MYO16: variants seen among roughly 807,000 people sequenced by gnomAD.
MYO16 encodes the protein unconventional myosin-XVI.
In MYO16, 94 loss-of-function variants were observed where a neutral mutation model predicts 205.3. The observed-to-expected ratio is 0.46, with a 90% CI of 0.39 to 0.54. The LOEUF (loss-of-function observed/expected upper bound fraction) is 0.54. MYO16 is among the 20% of genes least tolerant of loss of function. The pLI, the probability that MYO16 is intolerant of heterozygous loss-of-function variation, is 0.00. For missense variants in MYO16, 2,315 were observed against 2,387.5 expected (o/e 0.97, Z 0.63); for synonymous variants, 988 against 954.0 (o/e 1.04, Z -0.66).
chr13:108,519,458 A>T, the MYO16 span, among the ~76,000 whole-genome samples: 1 of 151,736 alleles, frequency 6.6e-6, no homozygotes, highest in Non-Finnish European at 1.5e-5. Flanking sequence ...TCTGCCTTCT[A>T]ATCTGCGGAT....
intron 33 of MYO16, chr13:109,167,123 A>C (rs1878702844): frequency 6.6e-6 from 1 of 152,376 alleles, no homozygotes; most frequent in South Asian, 2.1e-4. Flanking sequence ...AATCCAAGAG[A>C]GAGCACCCCA....
At chr13:108,861,561 T>G (rs1050741565) in intron 11 of MYO16, among the ~76,000 whole-genome samples, 1 of 152,182 alleles carries the variant, frequency 6.6e-6, no homozygotes, top group Admixed American at 6.5e-5. Flanking sequence ...TCATAAAATA[T>G]GTTCAGCTTT....
At chr13:108,999,827 A>T (rs1326860670) in intron 21 of MYO16, among the ~76,000 whole-genome samples, 1 of 152,178 alleles carries the variant, frequency 6.6e-6, no homozygotes, top group East Asian at 1.9e-4. Flanking sequence ...AGCTAAACAT[A>T]AAATTTTATT....
chr13:108,855,290 T>TTTA, intron 10 of MYO16, 153 bp from the exon 11 acceptor site: 1 of 393,834 alleles, frequency 2.5e-6, no homozygotes, highest in Non-Finnish European at 4.5e-6. Flanking sequence ...TTTTTTTTTT[T>TTTA]CTTTTTCATT....
chr13:109,168,689 C>T (rs926071127), intron 33 of MYO16, among the ~76,000 whole-genome samples: 4 of 152,156 alleles, frequency 2.6e-5, no homozygotes, highest in South Asian at 2.1e-4. Context: ...CGCGCCACTG[C>T]ACTCCAGCCT....
chr13:108,952,234 A>G (rs1473277769), intron 16 of MYO16, among the ~76,000 whole-genome samples: 2 of 152,216 alleles, frequency 1.3e-5, no homozygotes, highest in East Asian at 3.8e-4. Flanking sequence ...CAGTGTTTTT[A>G]TCCTTTTTCT....
At chr13:109,198,562 TA>T (rs1217554850) in intron 34 of MYO16, among the ~76,000 whole-genome samples, 1 of 152,226 alleles carries the variant, frequency 6.6e-6, no homozygotes, top group East Asian at 1.9e-4. Flanking sequence ...TATATTATGT[TA>T]TATTTATAAA....
chr13:108,922,641 A>T (rs1339426698), intron 16 of MYO16, among the ~76,000 whole-genome samples: 1 of 152,220 alleles, frequency 6.6e-6, no homozygotes, highest in African/African-American at 2.4e-5. Context: ...GGTGGAGCCT[A>T]TCAGGTTCAA....
At chr13:108,532,634 A>G in the MYO16 span, among the ~76,000 whole-genome samples, 1 of 151,720 alleles carries the variant, frequency 6.6e-6, no homozygotes, top group Non-Finnish European at 1.5e-5. Flanking sequence ...TCTCTACACA[A>G]TTAAAAATTA....
rs764000709 is a variant in MYO16, at chr13:108,709,773, C to T, written c.293-2888C>T. 5.2e-5 allele frequency among the ~76,000 whole-genome samples: 7 copies of T among 134,820 alleles called. 1 individual carries two copies. The highest frequency in any genetic ancestry group is 1.5e-4 in the Admixed American group (2 of 13,212). 88.4% of individuals were successfully genotyped at this position (134,820 alleles called of 152,430 possible). A position where few individuals can be genotyped will look rare whatever the true frequency, so the allele number is the denominator to read the frequency against. On this transcript the variant is annotated intron_variant, in intron 2 of 34. Coordinates refer to ENST00000457511, the MANE Select transcript of MYO16 (RefSeq NM_001198950.3). The stretch of plus-strand genomic sequence containing the variant: ...TAGTTCACACTACTATCTTTATATG[C>T]GAAGAATAACCTATTTCTCTATTTG...
intron 4 of MYO16, among the ~76,000 whole-genome samples, chr13:108,732,189 T>C (rs1403950787): frequency 6.6e-6 from 1 of 152,186 alleles, no homozygotes; most frequent in African/African-American, 2.4e-5. Flanking sequence ...TTCCAGAGCT[T>C]GATGATGGGC....
intron 32 of MYO16, among the ~76,000 whole-genome samples, chr13:109,143,821 G>T (rs751114390): frequency 6.6e-5 from 10 of 152,114 alleles, no homozygotes; most frequent in Non-Finnish European, 1.2e-4. Context: ...GGGCTTTTCT[G>T]AAATCCAATC....
intron 4 of MYO16, among the ~76,000 whole-genome samples, chr13:108,784,374 T>C (rs1009123210): frequency 6.6e-6 from 1 of 152,174 alleles, no homozygotes; most frequent in Non-Finnish European, 1.5e-5. Context: ...TCAGATAAAG[T>C]AATATCTTTA....
At chr13:109,004,783 T>G (rs1007913718) in intron 21 of MYO16, among the ~76,000 whole-genome samples, 2 of 152,208 alleles carry the variant, frequency 1.3e-5, no homozygotes, top group African/African-American at 4.8e-5. Context: ...ATTTTTCATA[T>G]GATATTTAGA....
the MYO16 span, among the ~76,000 whole-genome samples, chr13:108,571,898 T>C: frequency 1.3e-5 from 2 of 151,742 alleles, no homozygotes; most frequent in Non-Finnish European, 2.9e-5. Flanking sequence ...CACATCAAGT[T>C]TCGTTGTTGT....
At chr13:109,010,833 A>G (rs748518919) in intron 22 of MYO16, among the ~76,000 whole-genome samples, 29 of 151,956 alleles carry the variant, frequency 1.9e-4, no homozygotes, top group Non-Finnish European at 3.2e-4. Context: ...ATAGCTTGCT[A>G]TTAGTTGAAA....
chr13:108,900,136 T>A (rs750583397), intron 15 of MYO16, among the ~76,000 whole-genome samples: 26 of 152,190 alleles, frequency 1.7e-4, no homozygotes, highest in Non-Finnish European at 3.4e-4. Flanking sequence ...ACATTTTTTT[T>A]CCTCTTTTTT....
chr13:109,007,241 A>T (rs1365401693), intron 21 of MYO16, among the ~76,000 whole-genome samples: 4 of 152,082 alleles, frequency 2.6e-5, no homozygotes, highest in Admixed American at 1.3e-4. Context: ...ACAAAAAATT[A>T]GCTGGGTGAG....
chr13:108,871,939 T>G (rs1372374919), intron 12 of MYO16, among the ~76,000 whole-genome samples: 4 of 152,188 alleles, frequency 2.6e-5, no homozygotes, highest in African/African-American at 9.7e-5. Context: ...TGTTCATGGT[T>G]AGGAGAATTT....
Sources: allele counts gnomAD v4.1 joint callset (sites outside exome capture counted in the v4.1 genomes callset), GRCh38; gene constraint gnomAD v4.1.1; transcripts MANE v1.5; gene names NCBI Gene and HGNC (gene_info 2026-07-23, HGNC 2026-07-21).